The following TAFA1 variants were observed in gnomAD, a reference collection of about 807,000 sequenced individuals.
TAFA1 encodes the protein TAFA chemokine like family member 1.
A neutral mutation model predicts 18.5 loss-of-function variants in TAFA1; 4 were observed. That is an observed-to-expected ratio of 0.22 (90% CI 0.11 to 0.49). TAFA1 has a LOEUF of 0.49. Among genes scored for constraint, TAFA1 ranks in the 20% least tolerant of loss-of-function variants. The pLI, the probability that TAFA1 is intolerant of heterozygous loss-of-function variation, is 0.98. For synonymous variants in TAFA1, 56 were observed against 55.2 expected (o/e 1.01, Z -0.06); for missense variants, 147 against 169.0 (o/e 0.87, Z 0.72).
Position 68,004,338 on chromosome 3 carries a change from C to CA in TAFA1, c.-367dup, listed in dbSNP as rs1173726872. 1 of 152,204 alleles carries CA rather than the reference C, an allele frequency of 6.6e-6. No homozygotes were observed. The highest frequency in any genetic ancestry group is 1.5e-5 in the Non-Finnish European group (1 of 68,056). The allele number at this position is 152,204 out of a possible 1,614,324, so 9.4% of individuals were successfully genotyped here. A position where few individuals can be genotyped will look rare whatever the true frequency, so the allele number is the denominator to read the frequency against. ...CGAATGCACTGGAGTGGGGATGGTC[C>CA]ATCGGCAACTATAAACTGATTCTCA... On this transcript the variant is annotated 5_prime_UTR_variant, in exon 1 of 5. An upstream open reading frame in the 5' UTR loses its in-frame stop. Transcript: ENST00000478136.
At chr3:68,491,138 C>T (rs1462691608) in intron 3 of TAFA1, among the ~76,000 whole-genome samples, 1 of 152,146 alleles carries the variant, frequency 6.6e-6, no homozygotes, top group Non-Finnish European at 1.5e-5. Context: ...TGCAGCTGGC[C>T]TCCTCCACAA....
chr3:68,308,192 A>G (rs1188008388), intron 2 of TAFA1, among the ~76,000 whole-genome samples: 4 of 152,154 alleles, frequency 2.6e-5, no homozygotes, highest in African/African-American at 7.2e-5. Context: ...AAGGCTTTAT[A>G]CTGAAGGTAA....
At chr3:68,350,565 A>G (rs1201031460) in intron 2 of TAFA1, among the ~76,000 whole-genome samples, 3 of 152,140 alleles carry the variant, frequency 2.0e-5, no homozygotes, top group Admixed American at 1.3e-4. Flanking sequence ...GGTATTTCTT[A>G]TACACTATAA....
intron 3 of TAFA1, among the ~76,000 whole-genome samples, chr3:68,436,732 C>T (rs2071273954): frequency 6.6e-6 from 1 of 152,132 alleles, no homozygotes. Flanking sequence ...GTGGAACCAA[C>T]AGATGTCTCT....
chr3:68,420,699 C>T (rs2106807472), intron 3 of TAFA1, among the ~76,000 whole-genome samples: 1 of 152,246 alleles, frequency 6.6e-6, no homozygotes, highest in East Asian at 1.9e-4. Flanking sequence ...GGCCATGAAT[C>T]CTATTGAACA....
intron 2 of TAFA1, among the ~76,000 whole-genome samples, chr3:68,178,827 G>A (rs1324459744): frequency 6.6e-6 from 1 of 152,220 alleles, no homozygotes; most frequent in Non-Finnish European, 1.5e-5. Flanking sequence ...CCCTAGAAGA[G>A]ATGATGTACT....
intron 3 of TAFA1, among the ~76,000 whole-genome samples, chr3:68,536,604 G>A (rs980964806): frequency 6.6e-6 from 1 of 152,220 alleles, no homozygotes; most frequent in Non-Finnish European, 1.5e-5. Flanking sequence ...AGGAGCTACA[G>A]AAATGACTGG....
intron 2 of TAFA1, among the ~76,000 whole-genome samples, chr3:68,263,023 G>T (rs139928697): frequency 6.6e-6 from 1 of 152,160 alleles, no homozygotes; most frequent in Non-Finnish European, 1.5e-5. Context: ...ACCCCTGATA[G>T]AACACAGCAT....
intron 2 of TAFA1, among the ~76,000 whole-genome samples, chr3:68,372,229 G>A (rs938434590): frequency 1.2e-4 from 19 of 152,128 alleles, no homozygotes; most frequent in African/African-American, 4.6e-4. Flanking sequence ...AATACAATAA[G>A]GACAGTGATG....
intron 2 of TAFA1, among the ~76,000 whole-genome samples, chr3:68,378,807 G>A (rs1048879812): frequency 1.3e-4 from 20 of 152,110 alleles, no homozygotes; most frequent in East Asian, 7.7e-4. Flanking sequence ...GTTTCGTTTC[G>A]TAAGCAAAGC....
intron 2 of TAFA1, among the ~76,000 whole-genome samples, chr3:68,408,617 C>T (rs2070656083): frequency 6.6e-6 from 1 of 152,108 alleles, no homozygotes; most frequent in South Asian, 2.1e-4. Context: ...TCTTCCCTCC[C>T]TCTCTTTCTT....
intron 2 of TAFA1, among the ~76,000 whole-genome samples, chr3:68,365,744 T>C (rs1363467357): frequency 1.3e-5 from 2 of 152,136 alleles, no homozygotes; most frequent in Non-Finnish European, 2.9e-5. Context: ...TAATACATGA[T>C]AGCAGCCAAG....
intron 3 of TAFA1, among the ~76,000 whole-genome samples, chr3:68,486,048 C>A (rs2106668387): frequency 6.6e-6 from 1 of 151,420 alleles, no homozygotes; most frequent in East Asian, 1.9e-4. Flanking sequence ...GAGTGAGTAG[C>A]CTCCATTCCT....
At chr3:68,418,076 C>G (rs943011679) in intron 3 of TAFA1, among the ~76,000 whole-genome samples, 1 of 152,032 alleles carries the variant, frequency 6.6e-6, no homozygotes, top group Non-Finnish European at 1.5e-5. Context: ...AGGTCCAGCT[C>G]ATTTGGGAAA....
intron 2 of TAFA1, among the ~76,000 whole-genome samples, chr3:68,409,627 G>C (rs2070674957): frequency 6.6e-6 from 1 of 152,056 alleles, no homozygotes; most frequent in Non-Finnish European, 1.5e-5. Context: ...CGCAGTCTCT[G>C]GTAGTATCTT....
chr3:68,296,771 C>G (rs916050259), intron 2 of TAFA1, among the ~76,000 whole-genome samples: 2 of 152,058 alleles, frequency 1.3e-5, no homozygotes, highest in South Asian at 4.1e-4. Flanking sequence ...GCTTGGGTTA[C>G]AATGGTGAAA....
chr3:68,165,729 C>T (rs1290623597), intron 2 of TAFA1, among the ~76,000 whole-genome samples: 1 of 152,184 alleles, frequency 6.6e-6, no homozygotes, highest in Admixed American at 6.5e-5. Context: ...TGTGGGAATA[C>T]AGTGATGAAC....
intron 3 of TAFA1, among the ~76,000 whole-genome samples, chr3:68,536,443 G>A (rs1182659666): frequency 6.6e-6 from 1 of 152,158 alleles, no homozygotes; most frequent in Non-Finnish European, 1.5e-5. Flanking sequence ...TTTGGAACAT[G>A]GGGGATGGAG....
chr3:68,458,426 G>T (rs2071707051), intron 3 of TAFA1, among the ~76,000 whole-genome samples: 1 of 152,130 alleles, frequency 6.6e-6, no homozygotes, highest in African/African-American at 2.4e-5. Context: ...AGCATTTTAT[G>T]AATTAGTACA....
Sources: allele counts gnomAD v4.1 joint callset (sites outside exome capture counted in the v4.1 genomes callset), GRCh38; gene constraint gnomAD v4.1.1; transcripts MANE v1.5; gene names NCBI Gene and HGNC (gene_info 2026-07-23, HGNC 2026-07-21).